The following TXNDC16 variants were observed in gnomAD, a reference collection of about 807,000 sequenced individuals.
TXNDC16 encodes the protein thioredoxin domain containing 16.
In TXNDC16, 74 loss-of-function variants were observed where a neutral mutation model predicts 85.6. The ratio of observed to expected loss-of-function variants is 0.86; its 90% CI spans 0.72 to 1.05. TXNDC16 has a LOEUF of 1.05. TXNDC16 is among the 50% of genes least tolerant of loss of function. The pLI is 0.00. For synonymous variants in TXNDC16, 335 were observed against 326.5 expected (o/e 1.03, Z -0.28); for missense variants, 959 against 947.0 (o/e 1.01, Z -0.17).
intron 9 of TXNDC16, among the ~76,000 whole-genome samples, chr14:52,510,122 A>G (rs1420154798): frequency 6.6e-6 from 1 of 152,250 alleles, no homozygotes; most frequent in African/African-American, 2.4e-5. Flanking sequence ...CAGAATATAA[A>G]TATCATAGAC....
intron 12 of TXNDC16, among the ~76,000 whole-genome samples, chr14:52,487,220 G>A (rs2036291052): frequency 3.9e-5 from 6 of 152,194 alleles, no homozygotes. Context: ...AGCCCACTGA[G>A]AACTCCAGAG....
At chr14:52,500,614 A>C (rs2036634962) in intron 9 of TXNDC16, among the ~76,000 whole-genome samples, 1 of 152,212 alleles carries the variant, frequency 6.6e-6, no homozygotes, top group Non-Finnish European at 1.5e-5. Context: ...GGTTTTTACA[A>C]CAATGGAAAA....
At chr14:52,453,746 C>A (rs2035464811) in intron 18 of TXNDC16, among the ~76,000 whole-genome samples, 1 of 152,096 alleles carries the variant, frequency 6.6e-6, no homozygotes, top group African/African-American at 2.4e-5. Flanking sequence ...AGACTGCTAT[C>A]TTTCACCATA....
intron 9 of TXNDC16, among the ~76,000 whole-genome samples, chr14:52,493,970 G>C (rs775670406): frequency 2.0e-5 from 3 of 151,584 alleles, no homozygotes; most frequent in Non-Finnish European, 4.4e-5. Flanking sequence ...TTGTAGAGAT[G>C]GGGTCTCGCC....
chr14:52,473,130 C>T (rs752443013), intron 14 of TXNDC16, among the ~76,000 whole-genome samples: 5 of 152,108 alleles, frequency 3.3e-5, no homozygotes, highest in Admixed American at 6.6e-5. Context: ...CTATAAAACT[C>T]GACACATTCG....
chr14:52,469,332 G>A lies in TXNDC16; in HGVS notation c.1618+705C>T, dbSNP rs544140371. On this transcript the variant is annotated intron_variant, in intron 16 of 20. Transcript: ENST00000281741. ...ATTGCACTCCAGCCTAGGTGACAGA[G>A]CAAGATCTCGTCTCAAAAAAAAAAA... 7.3e-5 allele frequency among the ~76,000 whole-genome samples: 11 copies of A among 150,422 alleles called. No individual in the cohort carries two copies. The East Asian group carries it at 1.2e-3, about 16-fold the overall frequency.
Position 52,514,945 on chromosome 14 carries a change from A to G in TXNDC16, c.540T>C (p.Ala180=). 6.2e-7 allele frequency: 1 copy of G among 1,612,788 alleles called. No individual in the cohort carries two copies. The highest frequency in any genetic ancestry group is 8.5e-7 in the Non-Finnish European group (1 of 1,179,106). ...ATTGGTATGTAGTCCCATACACAAA[A>G]GCGGCTTCCATGACTGCTCTGTGCT... ...IPEHRAVMEA[A]FVYGTTYQFV... is the part of the protein sequence containing the mutation. Residue 180 remains alanine, a synonymous_variant, in exon 8 of 21, where the codon GCT becomes GCC. Coordinates refer to ENST00000281741, the MANE Select transcript of TXNDC16 (RefSeq NM_020784.3).
At chr14:52,472,365 T>A (rs961667653) in intron 14 of TXNDC16, among the ~76,000 whole-genome samples, 2 of 148,066 alleles carry the variant, frequency 1.4e-5, no homozygotes, top group Admixed American at 6.6e-5. Flanking sequence ...GCCCGGCTAA[T>A]TTTTTCTATC....
Position 52,537,584 on chromosome 14 carries a change from A to C in TXNDC16, c.317+15T>G. The C allele has an allele frequency of 6.5e-7, 1 of 1,541,004 alleles. No homozygotes were observed. Among genetic ancestry groups the C allele is most frequent in the Middle Eastern group, 1.7e-4 (1 of 5,914 alleles). ...AGCTTTGTATTTGTCCAGCACACTC[A>C]GGAAAATAGCTTACTTGAATAAATA... On this transcript the variant is annotated intron_variant, in intron 5 of 20. Coordinates refer to ENST00000281741, the MANE Select transcript of TXNDC16 (RefSeq NM_020784.3).
rs575645091 is a variant in TXNDC16 at position 52,508,324 on chromosome 14, A to C, written c.756+2916T>G. Among the ~76,000 whole-genome samples, 19 of 152,362 alleles carry C rather than the reference A, an allele frequency of 1.2e-4. No individual in the cohort carries two copies. In the South Asian group the frequency reaches 3.3e-3, roughly 27 times the overall value. On this transcript the variant is annotated intron_variant, in intron 9 of 20. Transcript: ENST00000281741. The stretch of plus-strand genomic sequence containing the variant: ...AAAGACACATGAAAAAATGCTCACC[A>C]TCACTGGCCATCAGAGAAATGCAAA...
intron 9 of TXNDC16, among the ~76,000 whole-genome samples, chr14:52,503,551 T>C (rs2036714672): frequency 6.6e-6 from 1 of 152,012 alleles, no homozygotes; most frequent in Non-Finnish European, 1.5e-5. Flanking sequence ...AAAAAGGACA[T>C]CCACACCAAA....
At chr14:52,506,713 C>T (rs1327766307) in intron 9 of TXNDC16, among the ~76,000 whole-genome samples, 2 of 142,958 alleles carry the variant, frequency 1.4e-5, no homozygotes, top group Non-Finnish European at 3.0e-5. Flanking sequence ...CCCGCCACCG[C>T]GCCCGGCTAA....
chr14:52,435,253 CTTT>C (rs5808677), intron 20 of TXNDC16, among the ~76,000 whole-genome samples: 3 of 120,232 alleles, frequency 2.5e-5, no homozygotes, highest in African/African-American at 3.1e-5. Flanking sequence ...AACATGTCTG[CTTT>C]TTTTTTTTTT....
At chr14:52,508,203 TCAAA>T (rs778807803) in intron 9 of TXNDC16, among the ~76,000 whole-genome samples, 1 of 151,984 alleles carries the variant, frequency 6.6e-6, no homozygotes, top group South Asian at 2.1e-4. Flanking sequence ...TACAATGAAC[TCAAA>T]CAAATTTACA....
chr14:52,530,361 T>G lies in TXNDC16; in HGVS notation c.392+6358A>C, dbSNP rs1453009879. On this transcript the variant is annotated intron_variant, in intron 6 of 20. Transcript: ENST00000281741. ...TATAATTATATATTATAATATAATA[T>G]ATATTATTATATAATATTATATATA... 1.8e-3 allele frequency among the ~76,000 whole-genome samples: 73 copies of G among 40,266 alleles called. 3 individuals carry two copies. Among genetic ancestry groups the G allele is most frequent in the Non-Finnish European group, 2.7e-3 (69 of 25,810 alleles). 26.4% of individuals were successfully genotyped at this position (40,266 alleles called of 152,430 possible). A position where few individuals can be genotyped will look rare whatever the true frequency, so the allele number is the denominator to read the frequency against.
Position 52,449,556 on chromosome 14 carries a change from C to T in TXNDC16, c.1842+5768G>A, listed in dbSNP as rs181786697. Among the ~76,000 whole-genome samples the T allele has an allele frequency of 7.8e-4, 119 of 151,974 alleles. No individual in the cohort carries two copies. In the East Asian group the frequency reaches 9.1e-3, roughly 12 times the overall value. ...GGACAAATCTTCTTGACAGGAAATC[C>T]GCAAAGAAACCTCAGATTTAATCTG... On this transcript the variant is annotated intron_variant, in intron 18 of 20. Transcript: ENST00000281741.
chr14:52,438,740 T>C (rs764443110), intron 20 of TXNDC16, among the ~76,000 whole-genome samples: 1 of 152,216 alleles, frequency 6.6e-6, no homozygotes, highest in Non-Finnish European at 1.5e-5. Context: ...GCACTATTTG[T>C]AAAATATCCT....
rs377099127 is a variant in TXNDC16, at chr14:52,482,716, C to T, written c.1252+106G>A. ...ATGCACACAGTCTACTTGAGACATA[C>T]GAAAGCAATTTCATTTTACAACATG... On this transcript the variant is annotated intron_variant, in intron 13 of 20. Transcript: ENST00000281741. 1,647 of 1,030,118 alleles carry T rather than the reference C, an allele frequency of 1.6e-3. 41 individuals carry two copies. The South Asian group carries it at 0.031, about 19-fold the overall frequency. The allele number at this position is 1,030,118 out of a possible 1,614,324, so 63.8% of individuals were successfully genotyped here.
At chr14:52,490,202 A>G (rs1234992018) in intron 11 of TXNDC16, among the ~76,000 whole-genome samples, 189 bp downstream of exon 11, 1 of 152,252 alleles carries the variant, frequency 6.6e-6, no homozygotes, top group Admixed American at 6.5e-5. Context: ...ATACATATAC[A>G]TACGTGAACA....
Sources: gnomAD v4.1 joint callset for allele counts (sites outside exome capture counted in the v4.1 genomes callset) on GRCh38, gnomAD v4.1.1 for gene constraint, MANE v1.5 for transcripts, NCBI Gene and HGNC (gene_info 2026-07-23, HGNC 2026-07-21) for gene names.